The following MYOM1 variants were observed in gnomAD, a reference collection of about 807,000 sequenced individuals.
MYOM1 encodes myomesin 1.
Under a neutral mutation model 205.3 loss-of-function variants are expected in MYOM1, and 164 were observed. That is an observed-to-expected ratio of 0.80 (90% CI 0.70 to 0.91). MYOM1 has a LOEUF of 0.91. MYOM1 is among the 40% of genes least tolerant of loss of function. The probability of loss-of-function intolerance (pLI) is 0.00; values close to 1 mark genes in which losing one functional copy is unlikely to be tolerated. For synonymous variants in MYOM1, 772 were observed against 789.4 expected, an observed-to-expected ratio of 0.98 and a Z score of 0.37; for missense variants, 2,011 against 2,127.3, an observed-to-expected ratio of 0.95 and a Z score of 1.08.
chr18:3,077,043 CTT>C (rs2079028053), intron 34 of MYOM1, among the ~76,000 whole-genome samples: 1 of 146,504 alleles, frequency 6.8e-6, no homozygotes. Context: ...GAGACAGGGT[CTT>C]GCCGTTGCCC....
At chr18:3,136,147 A>G (rs1451384004) in intron 14 of MYOM1, among the ~76,000 whole-genome samples, 6 of 152,212 alleles carry the variant, frequency 3.9e-5, no homozygotes, top group Middle Eastern at 6.8e-3. Context: ...ACCGTGTAAG[A>G]CGTGCCTTTC....
rs372737024 is a variant in MYOM1 at position 3,165,239 on chromosome 18, A to T, written c.1340-800T>A. Among the ~76,000 whole-genome samples the T allele has an allele frequency of 8.9e-4, 136 of 152,346 alleles. 1 individual carries two copies. The South Asian group carries it at 0.023, about 26-fold the overall frequency. On this transcript the variant is annotated intron_variant, in intron 9 of 37. Transcript: ENST00000356443. ...TCTAAAAAGATTTAACTCTTCATAC[A>T]AATCAGTTTCATGTAAATCTCTATT... is the stretch of plus-strand genomic sequence containing the variant.
chr18:3,079,465 T>A, intron 33 of MYOM1, 123 bp from the exon 34 acceptor site: 1 of 1,081,306 alleles, frequency 9.2e-7, no homozygotes, highest in Non-Finnish European at 1.3e-6. Flanking sequence ...GGGATCTGCA[T>A]ATGTTATTCT....
chr18:3,187,719 G>A, intron 4 of MYOM1, 82 bp from the exon 5 acceptor site: 1 of 1,314,480 alleles, frequency 7.6e-7, no homozygotes, highest in Non-Finnish European at 1.0e-6. Flanking sequence ...ATAACAAGTA[G>A]AAGGCAAAAG....
At chr18:3,207,126 TAC>T (rs1360182332) in intron 2 of MYOM1, among the ~76,000 whole-genome samples, 2 of 152,236 alleles carry the variant, frequency 1.3e-5, no homozygotes, top group Admixed American at 1.3e-4. Context: ...TCAGTAACTT[TAC>T]ACAGTTAGTG....
chr18:3,107,298 T>C lies in MYOM1; in HGVS notation c.3419-4668A>G, dbSNP rs189129941. ...ACGCTGGGCTAATTTTTTGTATTTT[T>C]AGTAGAGAGGGGGTTTCACCATGTT... On this transcript the variant is annotated intron_variant, in intron 22 of 37. Coordinates refer to ENST00000356443, the MANE Select transcript of MYOM1 (RefSeq NM_003803.4). 6.6e-5 allele frequency among the ~76,000 whole-genome samples: 10 copies of C among 152,242 alleles called. No homozygotes were observed. In the East Asian group the frequency reaches 1.9e-3, roughly 29 times the overall value.
In MYOM1 at chr18:3,215,258, G is replaced by A; in HGVS notation, c.-28-7C>T. The A allele has an allele frequency of 6.4e-7, 1 of 1,561,466 alleles. No individual in the cohort carries two copies. Among genetic ancestry groups the A allele is most frequent in the South Asian group, 1.2e-5 (1 of 85,438 alleles). On this transcript the variant is annotated splice_region_variant and splice_polypyrimidine_tract_variant and intron_variant, in intron 1 of 37. Transcript: ENST00000356443. ...CTTGAAGGAACCGGGCCACCTGAAG[G>A]AAAACAACACTTTTTGAGTGACTTA...
At position 3,134,762 on chromosome 18, in the gene MYOM1, A is replaced by C. The variant is rs1433999285; in HGVS notation, c.2272T>G (p.Ser758Ala). Residue 758 changes from serine (S) to alanine (A), a missense_variant, in exon 16 of 38, where the codon TCG becomes GCG. Transcript: ENST00000356443. The part of the protein sequence containing the change: ...SRNTDTSVVV[S>A]WEESKDAKEL... The stretch of plus-strand genomic sequence containing the variant: ...TTGGCATCTTTGGACTCCTCCCACG[A>C]AACTACCACTGAGGTGTCTGTGTTT... 1 of 1,613,820 alleles carries C rather than the reference A, an allele frequency of 6.2e-7. No homozygotes were observed. Among genetic ancestry groups the C allele is most frequent in the Non-Finnish European group, 8.5e-7 (1 of 1,179,904 alleles).
chr18:3,130,737 T>A (rs77668328), intron 17 of MYOM1, among the ~76,000 whole-genome samples: 1 of 152,166 alleles, frequency 6.6e-6, no homozygotes, highest in Non-Finnish European at 1.5e-5. Context: ...ATTACAGGTG[T>A]AAGCCCCCGT....
chr18:3,120,000 A>G lies in MYOM1; in HGVS notation c.2992-5T>C. 1 of 1,585,748 alleles carries G rather than the reference A, an allele frequency of 6.3e-7. No homozygotes were observed. The highest frequency in any genetic ancestry group is 8.6e-7 in the Non-Finnish European group (1 of 1,165,272). On this transcript the variant is annotated splice_polypyrimidine_tract_variant and splice_region_variant and intron_variant, in intron 19 of 37. Transcript: ENST00000356443. ...GTTTTCCTTCAAGTTGCTAATCTGCAACATTGACAACATCACAGATACTGA... is the reference window on the plus strand; with the variant it reads ...GTTTTCCTTCAAGTTGCTAATCTGCGACATTGACAACATCACAGATACTGA...
At chr18:3,225,727 G>A in the MYOM1 span, among the ~76,000 whole-genome samples, 2 of 152,148 alleles carry the variant, frequency 1.3e-5, no homozygotes, top group African/African-American at 4.8e-5. Context: ...ATGTCCCAAG[G>A]CCATGGAAAG....
chr18:3,169,119 G>T, intron 8 of MYOM1, 138 bp from the exon 9 acceptor site: 2 of 733,848 alleles, frequency 2.7e-6, no homozygotes, highest in Non-Finnish European at 4.4e-6. Context: ...GGGTCAAAAT[G>T]AAACCGTACA....
intron 37 of MYOM1, among the ~76,000 whole-genome samples, chr18:3,069,181 C>T (rs1241660274): frequency 6.6e-6 from 1 of 152,178 alleles, no homozygotes; most frequent in South Asian, 2.1e-4. Context: ...GGTTTCTCCA[C>T]AGCCTCCCCA....
At chr18:3,084,962 A>G in intron 31 of MYOM1, 83 bp downstream of exon 31, 2 of 1,047,980 alleles carry the variant, frequency 1.9e-6, no homozygotes, top group African/African-American at 1.6e-5. Context: ...CATGATTTCA[A>G]TCGTCAGCTC....
intron 28 of MYOM1, 21 bp downstream of exon 28, chr18:3,089,514 CTT>C: frequency 6.3e-7 from 1 of 1,582,450 alleles, no homozygotes; most frequent in East Asian, 2.2e-5. Context: ...AAAATTTTCT[CTT>C]TATCCACGGC....
At chr18:3,188,640 A>AT in intron 4 of MYOM1, 108 bp downstream of exon 4, 1 of 1,247,160 alleles carries the variant, frequency 8.0e-7, no homozygotes, top group Non-Finnish European at 1.1e-6. Context: ...AAAGGAAAAA[A>AT]AAAAAGAAAC....
intron 25 of MYOM1, 116 bp from the exon 26 acceptor site, chr18:3,094,422 C>A: frequency 9.1e-7 from 1 of 1,101,130 alleles, no homozygotes; most frequent in Non-Finnish European, 1.3e-6. Context: ...CAATGTAGCA[C>A]CTGCTTCTTG....
chr18:3,135,624 C>A lies in MYOM1; in HGVS notation c.2132G>T (p.Arg711Leu), dbSNP rs548747720. Reference protein sequence around the residue: ...DLAEGKSYCFRVRCSNSAGVG... With the variant: ...DLAEGKSYCFLVRCSNSAGVG... ...TCCTGCAGAATTAGAACAGCGGACA[C>A]GGAAACAGTAGGATTTCCCCTCGGC... The change falls in exon 15 of 38, where the codon CGT (arginine) becomes CTT (leucine). Residue 711 changes from arginine (R) to leucine (L), a missense_variant. Physicochemically the swap from Arg to Leu is moderately radical, Grantham distance 102. Transcript: ENST00000356443. This position sits in a 1 kb window ranked among gnomAD's most constrained non-coding sequence, Gnocchi z 4.1. 1.2e-6 allele frequency: 2 copies of A among 1,613,776 alleles called. No homozygotes were observed. The highest frequency in any genetic ancestry group is 1.3e-5 in the African/African-American group (1 of 74,894).
chr18:3,072,973 ATTTT>A (rs770278592), intron 36 of MYOM1, among the ~76,000 whole-genome samples: 3 of 102,440 alleles, frequency 2.9e-5, no homozygotes, highest in African/African-American at 7.6e-5. Context: ...AGATGTAAGC[ATTTT>A]TTTTTTTTTT....
Sources: allele counts gnomAD v4.1 joint callset (sites outside exome capture counted in the v4.1 genomes callset), GRCh38; gene constraint gnomAD v4.1.1; non-coding constraint Gnocchi (gnomAD v3.1); transcripts MANE v1.5; gene names NCBI Gene and HGNC (gene_info 2026-07-23, HGNC 2026-07-21).